Variants in NUDT5 observed in about 807,000 individuals in gnomAD.
The protein encoded by NUDT5 is nudix hydrolase 5.
Under a neutral mutation model 34.1 loss-of-function variants are expected in NUDT5, and 21 were observed. The ratio of observed to expected loss-of-function variants is 0.62; its 90% confidence interval spans 0.44 to 0.89. NUDT5 has a LOEUF of 0.89. NUDT5 is among the 40% of genes least tolerant of loss of function. The probability of loss-of-function intolerance (pLI) is 0.00; values close to 1 mark genes in which losing one functional copy is unlikely to be tolerated. For synonymous variants in NUDT5, 85 were observed against 97.6 expected, an observed-to-expected ratio of 0.87 and a Z score of 0.76; for missense variants, 249 against 274.8, an observed-to-expected ratio of 0.91 and a Z score of 0.66.
chr10:12,178,966 C>T (rs763176862), intron 4 of NUDT5, 117 bp downstream of exon 4: 65 of 868,740 alleles, frequency 7.5e-5, no homozygotes, highest in Non-Finnish European at 1.1e-4. Context: ...AAAACCTAAG[C>T]GGAGATTTAA....
chr10:12,179,044 C>T, intron 4 of NUDT5, 39 bp downstream of exon 4: 1 of 1,575,452 alleles, frequency 6.3e-7, no homozygotes, highest in Non-Finnish European at 8.7e-7. Context: ...CAAGTGCTAA[C>T]TTCCTTTCTA....
intron 3 of NUDT5, among the ~76,000 whole-genome samples, chr10:12,179,936 C>T (rs1835018437): frequency 6.6e-6 from 1 of 152,148 alleles, no homozygotes; most frequent in African/African-American, 2.4e-5. Flanking sequence ...CTCCCTACAA[C>T]AGAAAAAAGC....
In NUDT5 at chr10:12,171,984, C is replaced by A. The variant is rs1295788983; in HGVS notation, c.487+781G>T. Among the ~76,000 whole-genome samples the A allele has an allele frequency of 1.3e-5, 2 of 152,004 alleles. No homozygotes were observed. The highest frequency in any genetic ancestry group is 2.9e-5 in the Non-Finnish European group (2 of 68,010). ...AAGTGATCCACCCACCTCAACCTTCCAAAGTGCTGGGATTACAGGCATGAG... is the reference window on the plus strand; with the variant it reads ...AAGTGATCCACCCACCTCAACCTTCAAAAGTGCTGGGATTACAGGCATGAG... On this transcript the variant is annotated intron_variant, in intron 7 of 9. Transcript: ENST00000491614. The surrounding 1 kb of genome is among the most constrained non-coding windows in gnomAD (Gnocchi z 4.2).
chr10:12,169,405 T>C lies in NUDT5; in HGVS notation c.550+1312A>G. On this transcript the variant is annotated intron_variant, in intron 9 of 9. Transcript: ENST00000491614. This position sits in a 1 kb window ranked among gnomAD's most constrained non-coding sequence, Gnocchi z 4.8. ...GCACCTCCTCAGAGGGAGGGGCTGT[T>C]ATTGTTCCTGTTTTATGAAAAAAGC... is the stretch of plus-strand genomic sequence containing the variant. The C allele has an allele frequency of 1.0e-6, 1 of 966,406 alleles. No individual in the cohort carries two copies. Among genetic ancestry groups the C allele is most frequent in the Non-Finnish European group, 1.5e-6 (1 of 649,326 alleles). The allele number at this position is 966,406 out of a possible 1,614,324, so 59.9% of individuals were successfully genotyped here. A position where few individuals can be genotyped will look rare whatever the true frequency, so the allele number is the denominator to read the frequency against.
chr10:12,191,105 C>T (rs904987984), intron 1 of NUDT5, among the ~76,000 whole-genome samples: 2 of 152,046 alleles, frequency 1.3e-5, no homozygotes, highest in Non-Finnish European at 2.9e-5. Flanking sequence ...AAGGAAAGGC[C>T]GGGCACAGTG....
At position 12,187,577 on chromosome 10, in the gene NUDT5, C is replaced by T. The variant is rs985378420; in HGVS notation, c.-41-1245G>A. Reference sequence around the variant, plus strand: ...GTATATAGAATTATAGACCCAAAGCCAGTTGTCTATGAAACTGTAAGGCAT... The same window carrying T: ...GTATATAGAATTATAGACCCAAAGCTAGTTGTCTATGAAACTGTAAGGCAT... On this transcript the variant is annotated intron_variant, in intron 1 of 9. Coordinates refer to ENST00000491614, the MANE Select transcript of NUDT5 (RefSeq NM_014142.4). This position sits in a 1 kb window ranked among gnomAD's most constrained non-coding sequence, Gnocchi z 5.4. Among the ~76,000 whole-genome samples, 3 of 152,176 alleles carry T rather than the reference C, an allele frequency of 2.0e-5. No individual in the cohort carries two copies. The highest frequency in any genetic ancestry group is 4.1e-4 in the South Asian group (2 of 4,828).
chr10:12,192,517 T>C (rs567421953), intron 1 of NUDT5, among the ~76,000 whole-genome samples: 4 of 152,328 alleles, frequency 2.6e-5, no homozygotes, highest in African/African-American at 9.6e-5. Context: ...TTATATTTAA[T>C]AATTTTGGTC....
At chr10:12,183,882 T>G (rs914810710) in intron 3 of NUDT5, among the ~76,000 whole-genome samples, 4 of 152,220 alleles carry the variant, frequency 2.6e-5, no homozygotes, top group African/African-American at 9.6e-5. Context: ...CAGAATCTGC[T>G]TTTTAGACGG....
At position 12,169,382 on chromosome 10, in the gene NUDT5, A is replaced by C; in HGVS notation, c.550+1335T>G. On this transcript the variant is annotated intron_variant, in intron 9 of 9. Coordinates refer to ENST00000491614, the MANE Select transcript of NUDT5 (RefSeq NM_014142.4). The surrounding 1 kb of genome is among the most constrained non-coding windows in gnomAD (Gnocchi z 4.8). ...GCCTACGTCACCCTGCTTTCCACGC[A>C]CCTCCTCAGAGGGAGGGGCTGTTAT... 8.3e-7 allele frequency: 1 copy of C among 1,209,056 alleles called. No homozygotes were observed. Among genetic ancestry groups the C allele is most frequent in the Non-Finnish European group, 1.2e-6 (1 of 851,402 alleles). 74.9% of individuals were successfully genotyped at this position (1,209,056 alleles called of 1,614,324 possible).
chr10:12,168,027 A>ATTT lies in NUDT5; in HGVS notation c.551-219_551-217dup, dbSNP rs34620432. 5.7e-4 allele frequency: 352 copies of ATTT among 615,438 alleles called. No individual in the cohort carries two copies. The highest frequency in any genetic ancestry group is 6.1e-4 in the East Asian group (9 of 14,798). 38.1% of individuals were successfully genotyped at this position (615,438 alleles called of 1,614,324 possible). On this transcript the variant is annotated intron_variant, in intron 9 of 9. Coordinates refer to ENST00000491614, the MANE Select transcript of NUDT5 (RefSeq NM_014142.4). This position sits in a 1 kb window ranked among gnomAD's most constrained non-coding sequence, Gnocchi z 4.8. ...TGAGACAAGAACATCAGGGATAATG[A>ATTT]TTTTTTTTTTTTTTGGTGAGACAGT...
Position 12,171,732 on chromosome 10 carries a change from TTTA to T in NUDT5, c.488-827_488-825del, listed in dbSNP as rs1554801985. Among the ~76,000 whole-genome samples the T allele has an allele frequency of 6.6e-6, 1 of 150,966 alleles. No homozygotes were observed. The highest frequency in any genetic ancestry group is 1.9e-4 in the East Asian group (1 of 5,166). ...ATTTATTTATTTATTTATTTATTTATTTATTTTTTGGAGACAGGGTCTCAGTCT... is the reference window on the plus strand; with the variant it reads ...ATTTATTTATTTATTTATTTATTTATTTTTTTGGAGACAGGGTCTCAGTCT... On this transcript the variant is annotated intron_variant, in intron 7 of 9. Coordinates refer to ENST00000491614, the MANE Select transcript of NUDT5 (RefSeq NM_014142.4). This position sits in a 1 kb window ranked among gnomAD's most constrained non-coding sequence, Gnocchi z 4.2.
At chr10:12,183,497 C>T (rs1474809057) in intron 3 of NUDT5, among the ~76,000 whole-genome samples, 1 of 152,178 alleles carries the variant, frequency 6.6e-6, no homozygotes, top group Non-Finnish European at 1.5e-5. Context: ...TCTTGACGAT[C>T]TATTTCATCA....
At position 12,167,891 on chromosome 10, in the gene NUDT5, C is replaced by CA. The variant is rs1834745605; in HGVS notation, c.551-81dup. ...TCTTATTCAATCAGTGTTTGCGCAGCAGGTACTACTATATGTCACTTCCTA... is the reference window on the plus strand; with the variant it reads ...TCTTATTCAATCAGTGTTTGCGCAGCAAGGTACTACTATATGTCACTTCCTA... On this transcript the variant is annotated intron_variant, in intron 9 of 9. Coordinates refer to ENST00000491614, the MANE Select transcript of NUDT5 (RefSeq NM_014142.4). The CA allele has an allele frequency of 3.2e-6, 5 of 1,585,238 alleles. No homozygotes were observed. In the South Asian group the frequency reaches 5.8e-5, roughly 18 times the overall value.
In NUDT5 at chr10:12,171,114, C is replaced by T. The variant is rs964896720; in HGVS notation, c.488-206G>A. 1.3e-5 allele frequency among the ~76,000 whole-genome samples: 2 copies of T among 152,036 alleles called. No individual in the cohort carries two copies. Among genetic ancestry groups the T allele is most frequent in the East Asian group, 1.9e-4 (1 of 5,200 alleles). On this transcript the variant is annotated intron_variant, in intron 7 of 9. Coordinates refer to ENST00000491614, the MANE Select transcript of NUDT5 (RefSeq NM_014142.4). This position sits in a 1 kb window ranked among gnomAD's most constrained non-coding sequence, Gnocchi z 4.2. The stretch of plus-strand genomic sequence containing the variant: ...TAAGTAGCAAAATTTAAAGCATATT[C>T]GATAGTATGTATATTTTTATAGATA...
rs1005619418 is a variant in NUDT5, at chr10:12,174,893, G to A, written c.290-1080C>T. On this transcript the variant is annotated intron_variant, in intron 5 of 9. Transcript: ENST00000491614. ...CCCTCATAGTAAAACACCGAGGCCT[G>A]GGAATGAAAGGCCAGAAAGGAGCAA... is the stretch of plus-strand genomic sequence containing the variant. 2.0e-5 allele frequency among the ~76,000 whole-genome samples: 3 copies of A among 149,248 alleles called. No homozygotes were observed. The Admixed American group carries it at 2.1e-4, about 10-fold the overall frequency.
chr10:12,170,664 G>A lies in NUDT5; in HGVS notation c.550+53C>T. ...TTATATTTAGTACCCAGTTTGCTGG[G>A]ATGGGGACGGGGAGAACTGGAGAAA... On this transcript the variant is annotated intron_variant, in intron 9 of 9. Coordinates refer to ENST00000491614, the MANE Select transcript of NUDT5 (RefSeq NM_014142.4). The surrounding 1 kb of genome is among the most constrained non-coding windows in gnomAD (Gnocchi z 4.9). 6.5e-7 allele frequency: 1 copy of A among 1,533,984 alleles called. No homozygotes were observed. Among genetic ancestry groups the A allele is most frequent in the South Asian group, 1.1e-5 (1 of 89,410 alleles).
In NUDT5 at chr10:12,170,260, G is replaced by A. The variant is rs373628665; in HGVS notation, c.550+457C>T. The stretch of plus-strand genomic sequence containing the variant: ...TTATTATGTGAAAAGCATATCACAC[G>A]GAGTATACAGGAAATACCTCAAGTA... On this transcript the variant is annotated intron_variant, in intron 9 of 9. Transcript: ENST00000491614. The surrounding 1 kb of genome is among the most constrained non-coding windows in gnomAD (Gnocchi z 4.9). 116 of 1,423,912 alleles carry A rather than the reference G, an allele frequency of 8.1e-5. No individual in the cohort carries two copies. Among genetic ancestry groups the A allele is most frequent in the African/African-American group, 2.9e-4 (21 of 71,410 alleles). 88.2% of individuals were successfully genotyped at this position (1,423,912 alleles called of 1,614,324 possible).
Position 12,165,458 on chromosome 10 carries a change from C to T in NUDT5, c.*2244G>A. The T allele has an allele frequency of 1.5e-6, 1 of 654,966 alleles. No homozygotes were observed. Among genetic ancestry groups the T allele is most frequent in the Non-Finnish European group, 1.9e-6 (1 of 528,606 alleles). 40.6% of individuals were successfully genotyped at this position (654,966 alleles called of 1,614,324 possible). A position where few individuals can be genotyped will look rare whatever the true frequency, so the allele number is the denominator to read the frequency against. On this transcript the variant is annotated 3_prime_UTR_variant, in exon 10 of 10. Coordinates refer to ENST00000491614, the MANE Select transcript of NUDT5 (RefSeq NM_014142.4). ...TTCAGTGTATTCATAAGAAGTCCAC[C>T]CTGAGATGCCTGTAAAAGTCAAATG...
chr10:12,165,737 C>T lies in NUDT5; in HGVS notation c.*1965G>A, dbSNP rs1834660681. 1 of 152,094 alleles carries T rather than the reference C, an allele frequency of 6.6e-6. No individual in the cohort carries two copies. The highest frequency in any genetic ancestry group is 2.4e-5 in the African/African-American group (1 of 41,406). 9.4% of individuals were successfully genotyped at this position (152,094 alleles called of 1,614,324 possible). A position where few individuals can be genotyped will look rare whatever the true frequency, so the allele number is the denominator to read the frequency against. ...TTTTCAGAAGTATGGGTTTTCATTG[C>T]TGTTTAGTTTCTTAGGTGTGGTATG... On this transcript the variant is annotated 3_prime_UTR_variant, in exon 10 of 10. Transcript: ENST00000491614.
Sources: allele counts gnomAD v4.1 joint callset (sites outside exome capture counted in the v4.1 genomes callset), GRCh38; gene constraint gnomAD v4.1.1; non-coding constraint Gnocchi (gnomAD v3.1); transcripts MANE v1.5; gene names NCBI Gene and HGNC (gene_info 2026-07-23, HGNC 2026-07-21).